Variants in AFG1L observed in about 807,000 individuals in gnomAD.
The protein encoded by AFG1L is AFG1 like ATPase.
In AFG1L, 53 loss-of-function variants were observed where a neutral mutation model predicts 62.2. The ratio of observed to expected loss-of-function variants is 0.85; its 90% CI spans 0.68 to 1.07. The LOEUF (loss-of-function observed/expected upper bound fraction) is 1.07, where lower values mean the gene tolerates loss of function less well. AFG1L is among the 50% of genes least tolerant of loss of function. The pLI is 0.00. For missense variants in AFG1L, 555 were observed against 590.5 expected, an observed-to-expected ratio of 0.94 and a Z score of 0.62; for synonymous variants, 228 against 210.3, an observed-to-expected ratio of 1.08 and a Z score of -0.73.
At chr6:108,373,398 C>T (rs1222567837) in intron 6 of AFG1L, among the ~76,000 whole-genome samples, 2 of 152,060 alleles carry the variant, frequency 1.3e-5, no homozygotes, top group Non-Finnish European at 2.9e-5. Context: ...TGTAGTACTC[C>T]TTGGTGTATA....
At chr6:108,490,912 A>C (rs1773751981) in intron 10 of AFG1L, among the ~76,000 whole-genome samples, 1 of 152,220 alleles carries the variant, frequency 6.6e-6, no homozygotes, top group African/African-American at 2.4e-5. Context: ...TAACAAAATC[A>C]AAAGAGGCAC....
In AFG1L at chr6:108,382,201, T is replaced by C. The variant is rs188293987; in HGVS notation, c.748+15869T>C. ...TTTTAGTAGAGACGGGGTTTCTCCATGTTGGTCAAGCTGGTCTCGAACTCC... is the reference window on the plus strand; with the variant it reads ...TTTTAGTAGAGACGGGGTTTCTCCACGTTGGTCAAGCTGGTCTCGAACTCC... On this transcript the variant is annotated intron_variant, in intron 6 of 12. Coordinates refer to ENST00000368977, the MANE Select transcript of AFG1L (RefSeq NM_145315.5). Among the ~76,000 whole-genome samples the C allele has an allele frequency of 4.1e-3, 617 of 152,164 alleles. 6 individuals are homozygous for C. Among genetic ancestry groups the C allele is most frequent in the African/African-American group, 0.014 (569 of 41,504 alleles).
intron 8 of AFG1L, among the ~76,000 whole-genome samples, chr6:108,467,643 A>G (rs1262579104): frequency 1.3e-5 from 2 of 152,196 alleles, no homozygotes; most frequent in African/African-American, 4.8e-5. Flanking sequence ...ACTTTTACAT[A>G]TTATTGCAAC....
intron 7 of AFG1L, among the ~76,000 whole-genome samples, chr6:108,426,872 C>T (rs1562154139): frequency 1.3e-5 from 2 of 152,160 alleles, no homozygotes; most frequent in Non-Finnish European, 2.9e-5. Flanking sequence ...TACTTCCCTC[C>T]CCAGGAGTAG....
chr6:108,437,779 T>C (rs922598912), intron 7 of AFG1L, among the ~76,000 whole-genome samples: 1 of 151,426 alleles, frequency 6.6e-6, no homozygotes, highest in African/African-American at 2.4e-5. Flanking sequence ...GAGGGAGAGG[T>C]GGAGGAGCAA....
intron 10 of AFG1L, among the ~76,000 whole-genome samples, chr6:108,495,390 A>G (rs993598792): frequency 1.3e-5 from 2 of 152,240 alleles, no homozygotes; most frequent in Non-Finnish European, 2.9e-5. Context: ...GCTTGAAATC[A>G]TAATCGTCCT....
chr6:108,513,990 C>T (rs1774771576), intron 11 of AFG1L, among the ~76,000 whole-genome samples: 1 of 152,188 alleles, frequency 6.6e-6, no homozygotes, highest in South Asian at 2.1e-4. Flanking sequence ...ACTGCTGATA[C>T]CCAGGCAAAC....
At position 108,366,325 on chromosome 6, in the gene AFG1L, A is replaced by C; in HGVS notation, c.741A>C (p.Pro247=). ...TCGTTGTGGCAACATCCAACAGGCC[A>C]CCGGAAGGTAAAAACAAACATTGTG... ...GVVVVATSNR[P]PEDLYKNGLQ... is the part of the protein sequence containing the mutation. The change falls in exon 6 of 13, where the codon CCA becomes CCC. Residue 247 remains proline (P), a synonymous_variant. Transcript: ENST00000368977. 6.2e-7 allele frequency: 1 copy of C among 1,608,788 alleles called. No individual in the cohort carries two copies. Among genetic ancestry groups the C allele is most frequent in the Non-Finnish European group, 8.5e-7 (1 of 1,175,852 alleles).
chr6:108,411,992 A>G (rs1782140013), intron 7 of AFG1L, among the ~76,000 whole-genome samples: 2 of 152,222 alleles, frequency 1.3e-5, no homozygotes, highest in South Asian at 4.1e-4. Flanking sequence ...GTTTGAACCC[A>G]TCTCAAAGAA....
intron 7 of AFG1L, among the ~76,000 whole-genome samples, chr6:108,423,737 A>C (rs1770698208): frequency 6.6e-6 from 1 of 152,126 alleles, no homozygotes; most frequent in Non-Finnish European, 1.5e-5. Flanking sequence ...TAGAATACAT[A>C]AAAGGACTTA....
At chr6:108,366,764 A>G (rs1264585521) in intron 6 of AFG1L, among the ~76,000 whole-genome samples, 1 of 152,222 alleles carries the variant, frequency 6.6e-6, no homozygotes, top group Non-Finnish European at 1.5e-5. Context: ...TCATTTCTAA[A>G]AAAGCACTTG....
Position 108,367,144 on chromosome 6 carries a change from A to G in AFG1L, c.748+812A>G, listed in dbSNP as rs563460028. 3.3e-5 allele frequency among the ~76,000 whole-genome samples: 5 copies of G among 152,210 alleles called. No individual in the cohort carries two copies. The South Asian group carries it at 1.0e-3, about 32-fold the overall frequency. ...ACCATATAATTTACTTATTTATTAT[A>G]TTTATAGTTTATTGTCTGTTCCCTT... On this transcript the variant is annotated intron_variant, in intron 6 of 12. Coordinates refer to ENST00000368977, the MANE Select transcript of AFG1L (RefSeq NM_145315.5).
At chr6:108,341,203 A>C (rs1778668535) in intron 2 of AFG1L, among the ~76,000 whole-genome samples, 1 of 152,118 alleles carries the variant, frequency 6.6e-6, no homozygotes, top group African/African-American at 2.4e-5. Context: ...TTATGGTTAG[A>C]GTACATTTGA....
chr6:108,511,253 T>G (rs781283232), intron 11 of AFG1L, among the ~76,000 whole-genome samples: 16 of 152,070 alleles, frequency 1.1e-4, no homozygotes, highest in Non-Finnish European at 2.1e-4. Context: ...CCCTTCTGAA[T>G]ATTGAAGCTC....
intron 3 of AFG1L, among the ~76,000 whole-genome samples, chr6:108,354,814 A>G (rs942473078): frequency 1.3e-5 from 2 of 152,076 alleles, no homozygotes; most frequent in African/African-American, 2.4e-5. Context: ...ATATTTTTAG[A>G]CTATGGTTGA....
intron 6 of AFG1L, among the ~76,000 whole-genome samples, chr6:108,380,944 C>T (rs1283154347): frequency 6.6e-6 from 1 of 152,216 alleles, no homozygotes. Flanking sequence ...CTGGCATTCT[C>T]CTCCGTGGGT....
rs1022848354 is a variant in AFG1L at position 108,425,223 on chromosome 6, G to A, written c.808-21991G>A. Among the ~76,000 whole-genome samples the A allele has an allele frequency of 3.3e-4, 50 of 152,090 alleles. 2 individuals carry two copies. On this transcript the variant is annotated intron_variant, in intron 7 of 12. Transcript: ENST00000368977. ...CCTGGAATGTCACTGTGTGTAGAAG[G>A]CAGAATACAAACAGAGGGTTACACA... is the stretch of plus-strand genomic sequence containing the variant.
At position 108,477,207 on chromosome 6, in the gene AFG1L, T is replaced by A; in HGVS notation, c.977T>A (p.Ile326Asn). Residue 326 changes from isoleucine to asparagine, a missense_variant, in exon 10 of 13, where the codon ATT (isoleucine) becomes AAT (asparagine). Physicochemically the swap from Ile to Asn is moderately radical, Grantham distance 149. Coordinates refer to ENST00000368977, the MANE Select transcript of AFG1L (RefSeq NM_145315.5). Reference sequence around the variant, plus strand: ...GTTCCCATAGTAACTAGACCAAGGATTCTAAAAGTGCAAGGCAGAGAGCTG... The same window carrying A: ...GTTCCCATAGTAACTAGACCAAGGAATCTAAAAGTGCAAGGCAGAGAGCTG... Reference protein sequence around the residue: ...QKQNDLTRPRILKVQGRELRL... With the variant: ...QKQNDLTRPRNLKVQGRELRL... 6.3e-7 allele frequency: 1 copy of A among 1,599,112 alleles called. No homozygotes were observed.
rs115220999 is a variant in AFG1L at position 108,381,809 on chromosome 6, T to A, written c.748+15477T>A. Among the ~76,000 whole-genome samples the A allele has an allele frequency of 2.8e-3, 430 of 152,312 alleles. 3 individuals carry two copies. Among genetic ancestry groups the A allele is most frequent in the African/African-American group, 1.0e-2 (415 of 41,570 alleles). On this transcript the variant is annotated intron_variant, in intron 6 of 12. Coordinates refer to ENST00000368977, the MANE Select transcript of AFG1L (RefSeq NM_145315.5). ...ATTAGTTAAACATTTGAAATTAAATTAATAGTTCAACTTGAGAAATTTATT... is the reference window on the plus strand; with the variant it reads ...ATTAGTTAAACATTTGAAATTAAATAAATAGTTCAACTTGAGAAATTTATT...
Sources: gnomAD v4.1 joint callset for allele counts (sites outside exome capture counted in the v4.1 genomes callset) on GRCh38, gnomAD v4.1.1 for gene constraint, MANE v1.5 for transcripts, NCBI Gene and HGNC (gene_info 2026-07-23, HGNC 2026-07-21) for gene names.